The following KDM4C variants were observed in gnomAD, a reference collection of about 807,000 sequenced individuals.
The protein encoded by KDM4C is lysine-specific demethylase 4C.
A neutral mutation model predicts 129.3 loss-of-function variants in KDM4C; 81 were observed. That is an observed-to-expected ratio of 0.63 (90% CI 0.52 to 0.75). The LOEUF (loss-of-function observed/expected upper bound fraction) is 0.75, where lower values mean the gene tolerates loss of function less well. Among genes scored for constraint, KDM4C ranks in the 30% least tolerant of loss-of-function variants. KDM4C has a pLI of 0.00. For synonymous variants in KDM4C, 573 were observed against 456.1 expected, an observed-to-expected ratio of 1.26 and a Z score of -3.26; for missense variants, 1,457 against 1,304.0, an observed-to-expected ratio of 1.12 and a Z score of -1.81.
chr9:7,061,321 A>C (rs879608809), intron 17 of KDM4C, among the ~76,000 whole-genome samples: 1 of 152,188 alleles, frequency 6.6e-6, no homozygotes, highest in Non-Finnish European at 1.5e-5. Context: ...TATCAATTTC[A>C]TGTCCTTTGA....
At chr9:6,788,613 A>T (rs1039411016) in intron 1 of KDM4C, among the ~76,000 whole-genome samples, 5 of 152,222 alleles carry the variant, frequency 3.3e-5, no homozygotes, top group African/African-American at 1.2e-4. Flanking sequence ...TTACTCCTTC[A>T]TTCAGCTGGC....
intron 8 of KDM4C, among the ~76,000 whole-genome samples, chr9:6,932,936 T>C (rs1433231275): frequency 6.6e-6 from 1 of 152,224 alleles, no homozygotes; most frequent in Admixed American, 6.5e-5. Context: ...TAACCATCTT[T>C]CATGCATTAA....
At chr9:6,763,981 A>T (rs1034910765) in intron 1 of KDM4C, among the ~76,000 whole-genome samples, 1 of 152,120 alleles carries the variant, frequency 6.6e-6, no homozygotes, top group Non-Finnish European at 1.5e-5. Flanking sequence ...CTGGTCTCGA[A>T]CTCCCAACCT....
chr9:7,058,077 C>T (rs949065930), intron 17 of KDM4C, among the ~76,000 whole-genome samples: 1 of 152,268 alleles, frequency 6.6e-6, no homozygotes, highest in Admixed American at 6.5e-5. Context: ...GGCTTTTTCT[C>T]CACCTTCTTG....
intron 17 of KDM4C, among the ~76,000 whole-genome samples, chr9:7,093,478 C>T (rs1350053203): frequency 1.3e-5 from 2 of 152,216 alleles, no homozygotes; most frequent in East Asian, 3.9e-4. Flanking sequence ...TATCTCTGTT[C>T]ACATGTGTGC....
chr9:7,175,270 T>C lies in KDM4C; in HGVS notation c.*541T>C, dbSNP rs1845339359. 1 of 152,918 alleles carries C rather than the reference T, an allele frequency of 6.5e-6. No individual in the cohort carries two copies. Among genetic ancestry groups the C allele is most frequent in the African/African-American group, 2.4e-5 (1 of 41,472 alleles). 9.5% of individuals were successfully genotyped at this position (152,918 alleles called of 1,614,324 possible). The stretch of plus-strand genomic sequence containing the variant: ...TAATGAGATTTACCCGTGTGCTATC[T>C]GTATTTCCCTTGTACAGAACTTTTA... On this transcript the variant is annotated 3_prime_UTR_variant, in exon 22 of 22. Coordinates refer to ENST00000381309, the MANE Select transcript of KDM4C (RefSeq NM_015061.6).
In KDM4C at chr9:7,007,712, C is replaced by G. The variant is rs141825952; in HGVS notation, c.1787-3986C>G. ...CTTATGTTCTTATCTCTTCTGAGGA[C>G]CTGAAAGAAGATTCTTTTATTTCCT... On this transcript the variant is annotated intron_variant, in intron 12 of 21. Transcript: ENST00000381309. Among the ~76,000 whole-genome samples the G allele has an allele frequency of 2.1e-4, 32 of 152,124 alleles. No homozygotes were observed. In the South Asian group the frequency reaches 6.2e-3, roughly 30 times the overall value.
At chr9:6,762,474 C>T (rs1420613773) in intron 1 of KDM4C, among the ~76,000 whole-genome samples, 1 of 151,914 alleles carries the variant, frequency 6.6e-6, no homozygotes, top group Non-Finnish European at 1.5e-5. Flanking sequence ...GCTTGGCCTG[C>T]AAGCTCTATT....
rs116482738 is a variant in KDM4C, at chr9:6,940,321, G to A, written c.922-40604G>A. On this transcript the variant is annotated intron_variant, in intron 8 of 21. Coordinates refer to ENST00000381309, the MANE Select transcript of KDM4C (RefSeq NM_015061.6). ...GCCCAGGCTGGTCTTGATTACAGGT[G>A]TGAGCCACTGTGCCTAGCTGAGACA... is the stretch of plus-strand genomic sequence containing the variant. 2.2e-3 allele frequency among the ~76,000 whole-genome samples: 340 copies of A among 152,158 alleles called. 2 individuals are homozygous for A. The highest frequency in any genetic ancestry group is 7.8e-3 in the African/African-American group (323 of 41,512).
upstream of KDM4C, chr9:6,757,852 C>T: frequency 1.0e-6 from 1 of 985,598 alleles, no homozygotes; most frequent in African/African-American, 1.7e-5. Context: ...TTAACCACAG[C>T]GCGGAAGTTG....
chr9:6,903,576 G>A (rs1240375330), intron 8 of KDM4C, among the ~76,000 whole-genome samples: 2 of 152,126 alleles, frequency 1.3e-5, no homozygotes, highest in African/African-American at 2.4e-5. Flanking sequence ...TAGGCAAAAG[G>A]TGATTGTTGT....
chr9:6,946,691 C>T (rs1827034009), intron 8 of KDM4C, among the ~76,000 whole-genome samples: 1 of 152,068 alleles, frequency 6.6e-6, no homozygotes, highest in South Asian at 2.1e-4. Context: ...ATTGAATATA[C>T]TCTGAGTTTA....
rs1266512283 is a variant in KDM4C, at chr9:7,128,116, G to A, written c.2661G>A (p.Thr887=). ...TTTCCGTGGGTCAAACGGTCATCAC[G>A]AAGCATCGGAACACCCGGTATTACA... ...KVISVGQTVI[T]KHRNTRYYSC... is the part of the protein sequence containing the mutation. Residue 887 remains threonine (T), a synonymous_variant, in exon 19 of 22, where the codon ACG becomes ACA. Coordinates refer to ENST00000381309, the MANE Select transcript of KDM4C (RefSeq NM_015061.6). 22 of 1,610,582 alleles carry A rather than the reference G, an allele frequency of 1.4e-5. No individual in the cohort carries two copies. Among genetic ancestry groups the A allele is most frequent in the Non-Finnish European group, 1.8e-5 (21 of 1,178,656 alleles).
At chr9:7,062,983 C>A (rs898912783) in intron 17 of KDM4C, among the ~76,000 whole-genome samples, 9 of 152,094 alleles carry the variant, frequency 5.9e-5, no homozygotes, top group Admixed American at 4.6e-4. Context: ...CTAAGAAGCA[C>A]AAACTTTATG....
At chr9:7,009,759 T>C (rs1822346504) in intron 12 of KDM4C, among the ~76,000 whole-genome samples, 2 of 152,214 alleles carry the variant, frequency 1.3e-5, no homozygotes, top group African/African-American at 4.8e-5. Context: ...AGATCATATT[T>C]TGAGAACTGT....
intron 17 of KDM4C, among the ~76,000 whole-genome samples, chr9:7,072,625 C>G (rs1833361989): frequency 6.6e-6 from 1 of 152,124 alleles, no homozygotes; most frequent in Admixed American, 6.5e-5. Flanking sequence ...TGGGTGGAGT[C>G]ACTGACTACA....
chr9:7,095,916 T>C (rs555244438), intron 17 of KDM4C, among the ~76,000 whole-genome samples: 2 of 152,342 alleles, frequency 1.3e-5, no homozygotes, highest in South Asian at 4.1e-4. Flanking sequence ...TAATGGAATT[T>C]CCTTTAGGAA....
chr9:7,099,198 G>GA (rs916922366), intron 17 of KDM4C, among the ~76,000 whole-genome samples: 3 of 152,088 alleles, frequency 2.0e-5, no homozygotes, highest in African/African-American at 7.2e-5. Context: ...GTTTGTGGAA[G>GA]AAAAAAACAT....
rs73403560 is a variant in KDM4C, at chr9:7,061,337, C to G, written c.2424+12137C>G. ...ATCAATTTCATGTCCTTTGAGAAAC[C>G]TGTCCCGGAATCTTCTGTCCCGTTA... On this transcript the variant is annotated intron_variant, in intron 17 of 21. Transcript: ENST00000381309. Among the ~76,000 whole-genome samples, 526 of 152,288 alleles carry G rather than the reference C, an allele frequency of 3.5e-3. 4 individuals are homozygous for G. The highest frequency in any genetic ancestry group is 0.012 in the African/African-American group (494 of 41,542).
Sources: gnomAD v4.1 joint callset for allele counts (sites outside exome capture counted in the v4.1 genomes callset) on GRCh38, gnomAD v4.1.1 for gene constraint, MANE v1.5 for transcripts, NCBI Gene and HGNC (gene_info 2026-07-23, HGNC 2026-07-21) for gene names.